DNAH3: variants seen among roughly 807,000 people sequenced by gnomAD.
The protein encoded by DNAH3 is dynein axonemal heavy chain 3.
A neutral mutation model predicts 432.5 loss-of-function variants in DNAH3; 332 were observed. The ratio of observed to expected loss-of-function variants is 0.77; its 90% confidence interval spans 0.70 to 0.84. The LOEUF is 0.84. Ranked by LOEUF, DNAH3 falls within the 40% of genes least tolerant of loss-of-function variation. The probability of loss-of-function intolerance (pLI) is 0.00; values close to 1 mark genes in which losing one functional copy is unlikely to be tolerated. For missense variants in DNAH3, 4,861 were observed against 5,114.0 expected, an observed-to-expected ratio of 0.95 and a Z score of 1.51; for synonymous variants, 1,956 against 1,900.2, an observed-to-expected ratio of 1.03 and a Z score of -0.76.
At chr16:20,933,487 C>G (rs372958658) in exon 62 of DNAH3, 1 of 1,599,386 alleles carries the variant, frequency 6.3e-7, no homozygotes, top group Admixed American at 1.7e-5. Context: ...TATTCTCCAT[C>G]ACTGTTTCTT....
chr16:21,133,476 C>A (rs925409279), intron 7 of DNAH3, among the ~76,000 whole-genome samples: 3 of 151,926 alleles, frequency 2.0e-5, no homozygotes, highest in African/African-American at 7.3e-5. Flanking sequence ...TGCGATGGCC[C>A]ATGTCTCTAA....
intron 39 of DNAH3, among the ~76,000 whole-genome samples, chr16:21,024,203 TGGG>T: frequency 6.6e-6 from 1 of 151,986 alleles, no homozygotes; most frequent in African/African-American, 2.4e-5. Flanking sequence ...GTTACAGGGA[TGGG>T]AATTGGCAGC....
chr16:21,115,369 T>G (rs146355577), intron 12 of DNAH3, among the ~76,000 whole-genome samples: 108 of 140,122 alleles, frequency 7.7e-4, no homozygotes, highest in African/African-American at 2.8e-3. Flanking sequence ...TGTGCACATG[T>G]AACCTAGAGC....
chr16:21,061,684 T>C (rs947969229), intron 25 of DNAH3, among the ~76,000 whole-genome samples: 3 of 152,240 alleles, frequency 2.0e-5, no homozygotes, highest in African/African-American at 7.2e-5. Context: ...TGCTGTTCCT[T>C]GAAATCACTT....
chr16:21,146,029 A>C (rs761741076), exon 2 of DNAH3: 29 of 1,613,908 alleles, frequency 1.8e-5, no homozygotes, highest in South Asian at 1.6e-4. Flanking sequence ...CAGGCAGAGG[A>C]GGCAGCTCTG....
intron 31 of DNAH3, among the ~76,000 whole-genome samples, chr16:21,042,635 T>G (rs1389216648): frequency 1.3e-5 from 2 of 152,162 alleles, no homozygotes. Context: ...TTTATTTCCC[T>G]TTACTAGATC....
At chr16:21,133,301 T>C (rs1051453188) in intron 7 of DNAH3, among the ~76,000 whole-genome samples, 12 of 143,824 alleles carry the variant, frequency 8.3e-5, no homozygotes, top group African/African-American at 3.1e-4. Context: ...AGGAGGAGGT[T>C]GCAGTGAATC....
chr16:21,040,069 A>G (rs2089361569), intron 32 of DNAH3, 126 bp from the exon 33 acceptor site: 1 of 788,282 alleles, frequency 1.3e-6, no homozygotes, highest in African/African-American at 1.8e-5. Flanking sequence ...TAAAGGCAAG[A>G]AGGACTGGGG....
chr16:20,986,316 G>A (rs915799477), intron 47 of DNAH3, among the ~76,000 whole-genome samples: 3 of 151,788 alleles, frequency 2.0e-5, no homozygotes, highest in African/African-American at 7.3e-5. Context: ...ACCAGCCTGG[G>A]CAACATAGTG....
At chr16:20,998,337 T>A (rs895715876) in intron 43 of DNAH3, among the ~76,000 whole-genome samples, 2 of 152,008 alleles carry the variant, frequency 1.3e-5, no homozygotes, top group African/African-American at 4.8e-5. Context: ...TCACTGCAAC[T>A]TTGTCTCCCA....
At chr16:21,001,074 T>C (rs2086992490) in intron 42 of DNAH3, among the ~76,000 whole-genome samples, 1 of 152,232 alleles carries the variant, frequency 6.6e-6, no homozygotes, top group Non-Finnish European at 1.5e-5. Flanking sequence ...TGATCTGTGC[T>C]TGTTTCTGAT....
At chr16:21,020,699 C>G (rs1236634080) in intron 40 of DNAH3, among the ~76,000 whole-genome samples, 1 of 151,880 alleles carries the variant, frequency 6.6e-6, no homozygotes, top group East Asian at 1.9e-4. Flanking sequence ...AGACCGCACC[C>G]GGCCTTTACT....
At position 21,061,449 on chromosome 16, in the gene DNAH3, C is replaced by T. The variant is rs189021267; in HGVS notation, c.3720+1033G>A. Among the ~76,000 whole-genome samples the T allele has an allele frequency of 8.7e-3, 1,325 of 152,032 alleles. 5 individuals carry two copies. Among genetic ancestry groups the T allele is most frequent in the Non-Finnish European group, 0.013 (874 of 67,978 alleles). On this transcript the variant is annotated intron_variant, in intron 25 of 61. Transcript: ENST00000261383. ...ATGTTGGCCAGGCTGGTCTCAAACT[C>T]CTGACCTTAGGTGATCCACCCGCCT...
intron 25 of DNAH3, 80 bp from the exon 26 acceptor site, chr16:21,060,436 C>T: frequency 1.9e-6 from 2 of 1,045,728 alleles, no homozygotes; most frequent in Middle Eastern, 2.1e-4. Flanking sequence ...ACAGCTTTCT[C>T]TCTGGACACG....
chr16:21,128,347 C>A (rs2092482551), intron 7 of DNAH3, among the ~76,000 whole-genome samples: 1 of 151,824 alleles, frequency 6.6e-6, no homozygotes, highest in Non-Finnish European at 1.5e-5. Flanking sequence ...CTCAGGAGTT[C>A]AAGACCAGCC....
intron 14 of DNAH3, among the ~76,000 whole-genome samples, chr16:21,107,135 C>T (rs1022491144): frequency 2.0e-5 from 3 of 151,982 alleles, no homozygotes; most frequent in Non-Finnish European, 2.9e-5. Flanking sequence ...ATACACCATA[C>T]TACCTCTCAT....
chr16:21,092,235 C>A (rs1242726605), intron 18 of DNAH3, among the ~76,000 whole-genome samples: 1 of 151,984 alleles, frequency 6.6e-6, no homozygotes, highest in East Asian at 1.9e-4. Flanking sequence ...CTATTGTAAT[C>A]AAAAAAGCGT....
At chr16:21,019,679 G>T (rs775862210) in exon 41 of DNAH3, 5 of 1,614,062 alleles carry the variant, frequency 3.1e-6, no homozygotes, top group Admixed American at 3.3e-5. Context: ...GCCTTGGGTG[G>T]TTATCATCCA....
chr16:21,033,357 C>T (rs999359019), intron 36 of DNAH3, among the ~76,000 whole-genome samples: 11 of 152,226 alleles, frequency 7.2e-5, no homozygotes, highest in African/African-American at 2.4e-4. Context: ...AAACCCACAA[C>T]TGTTTCTCTG....
Sources: gnomAD v4.1 joint callset for allele counts (sites outside exome capture counted in the v4.1 genomes callset) on GRCh38, gnomAD v4.1.1 for gene constraint, MANE v1.5 for transcripts, NCBI Gene and HGNC (gene_info 2026-07-23, HGNC 2026-07-21) for gene names.